The following SFI1 variants were observed in gnomAD, a reference collection of about 807,000 sequenced individuals.
The protein encoded by SFI1 is SFI1 centrin binding protein.
In SFI1, 195 loss-of-function variants were observed where a neutral mutation model predicts 207.5. The ratio of observed to expected loss-of-function variants is 0.94; its 90% confidence interval spans 0.84 to 1.06. The LOEUF is 1.06. SFI1 is among the 50% of genes least tolerant of loss of function. SFI1 has a pLI of 0.00. For missense variants in SFI1, 1,634 were observed against 1,588.0 expected (o/e 1.03, Z -0.49); for synonymous variants, 630 against 598.9 (o/e 1.05, Z -0.76).
At chr22:31,552,711 G>C (rs2060733771) in intron 6 of SFI1, among the ~76,000 whole-genome samples, 1 of 152,076 alleles carries the variant, frequency 6.6e-6, no homozygotes, top group South Asian at 2.1e-4. Context: ...TTGCTGGGTC[G>C]AATGGTGGTT....
At chr22:31,589,758 CT>C (rs1192558520) in intron 15 of SFI1, among the ~76,000 whole-genome samples, 181 bp downstream of exon 15, 1 of 151,988 alleles carries the variant, frequency 6.6e-6, no homozygotes, top group East Asian at 1.9e-4. Context: ...AGTGTTTCCC[CT>C]GGGAAATCTT....
chr22:31,589,673 A>G, intron 15 of SFI1, 96 bp downstream of exon 15: 1 of 1,368,212 alleles, frequency 7.3e-7, no homozygotes. Flanking sequence ...AGCTTCCCAG[A>G]CCCCAGGCCC....
At chr22:31,586,003 G>C (rs961365945) in intron 14 of SFI1, among the ~76,000 whole-genome samples, 2 of 152,068 alleles carry the variant, frequency 1.3e-5, no homozygotes, top group Non-Finnish European at 2.9e-5. Context: ...CTGTTAGCTA[G>C]TTCCCTATAG....
intron 6 of SFI1, 134 bp downstream of exon 6, chr22:31,550,482 A>G: frequency 1.5e-6 from 1 of 680,652 alleles, no homozygotes; most frequent in East Asian, 2.8e-5. Context: ...TCTCTTTCAT[A>G]TTTTTCAGAA....
At chr22:31,576,111 G>A (rs1015528041) in intron 10 of SFI1, among the ~76,000 whole-genome samples, 3 of 150,170 alleles carry the variant, frequency 2.0e-5, no homozygotes, top group South Asian at 4.2e-4. Flanking sequence ...TGCAATCTCC[G>A]CCTCCCAGGT....
At chr22:31,617,577 C>T (rs1168378737) in intron 31 of SFI1, among the ~76,000 whole-genome samples, 1 of 151,980 alleles carries the variant, frequency 6.6e-6, no homozygotes, top group Non-Finnish European at 1.5e-5. Flanking sequence ...AAAAATTAGC[C>T]GGGCATGGTG....
chr22:31,503,154 T>C (rs938129198), intron 1 of SFI1, among the ~76,000 whole-genome samples: 3 of 151,816 alleles, frequency 2.0e-5, no homozygotes, highest in Non-Finnish European at 4.4e-5. Flanking sequence ...TAGGGTAATC[T>C]AGGGACAAGT....
intron 4 of SFI1, among the ~76,000 whole-genome samples, chr22:31,532,803 A>G (rs1483698744): frequency 1.3e-5 from 2 of 152,130 alleles, no homozygotes; most frequent in African/African-American, 4.8e-5. Flanking sequence ...TGCAAAAGAG[A>G]AAAAACTTAC....
At position 31,616,728 on chromosome 22, in the gene SFI1, C is replaced by G. The variant is rs536141578; in HGVS notation, c.3301-17C>G. On this transcript the variant is annotated splice_polypyrimidine_tract_variant and intron_variant, in intron 29 of 32. Coordinates refer to ENST00000400288, the MANE Select transcript of SFI1 (RefSeq NM_001007467.3). Reference sequence around the variant, plus strand: ...CCTAGCTTCCTTGCTCAGCATCTACCCTTCTTTCCTTTGCAGGTGTCAGCA... The same window carrying G: ...CCTAGCTTCCTTGCTCAGCATCTACGCTTCTTTCCTTTGCAGGTGTCAGCA... 1.3e-6 allele frequency: 2 copies of G among 1,522,938 alleles called. No homozygotes were observed. The highest frequency in any genetic ancestry group is 1.8e-6 in the Non-Finnish European group (2 of 1,138,262). 94.3% of individuals were successfully genotyped at this position (1,522,938 alleles called of 1,614,324 possible).
intron 7 of SFI1, among the ~76,000 whole-genome samples, chr22:31,560,954 C>T (rs750890032): frequency 6.6e-6 from 1 of 152,104 alleles, no homozygotes; most frequent in Non-Finnish European, 1.5e-5. Context: ...CCACTCTCCT[C>T]GGCCTCCCAA....
chr22:31,530,271 A>C (rs2058363006), intron 3 of SFI1, among the ~76,000 whole-genome samples: 1 of 146,190 alleles, frequency 6.8e-6, no homozygotes, highest in African/African-American at 2.5e-5. Context: ...CGGGTGGATC[A>C]TGAGGTCAGG....
In SFI1 at chr22:31,508,440, T is replaced by G. The variant is rs189277200; in HGVS notation, c.92+64T>G. 111 of 1,213,126 alleles carry G rather than the reference T, an allele frequency of 9.1e-5. No homozygotes were observed. In the Middle Eastern group the frequency reaches 9.2e-4, roughly 10 times the overall value. 75.1% of individuals were successfully genotyped at this position (1,213,126 alleles called of 1,614,324 possible). On this transcript the variant is annotated intron_variant, in intron 2 of 32. Coordinates refer to ENST00000400288, the MANE Select transcript of SFI1 (RefSeq NM_001007467.3). ...GATGGTTCATATAAAACTAAACATT[T>G]TGTGTATGAAAAAATTATAAATTAT...
intron 10 of SFI1, among the ~76,000 whole-genome samples, chr22:31,577,522 C>CA (rs2063656951): frequency 6.6e-6 from 1 of 152,180 alleles, no homozygotes; most frequent in Non-Finnish European, 1.5e-5. Flanking sequence ...ATCCTCCCCC[C>CA]TCAGCCTACG....
At chr22:31,506,494 C>A (rs1276820926) in intron 1 of SFI1, among the ~76,000 whole-genome samples, 1 of 152,194 alleles carries the variant, frequency 6.6e-6, no homozygotes, top group Non-Finnish European at 1.5e-5. Context: ...GGTGCTGAAG[C>A]ATCTAGACAT....
At chr22:31,580,693 C>T (rs900006270) in intron 12 of SFI1, among the ~76,000 whole-genome samples, 1 of 151,978 alleles carries the variant, frequency 6.6e-6, no homozygotes, top group African/African-American at 2.4e-5. Context: ...CAGGCATGCG[C>T]CACTACACCT....
chr22:31,531,120 C>T lies in SFI1; in HGVS notation c.329C>T (p.Ser110Phe). Reference sequence around the variant, plus strand: ...ATGACTTTTGGAAGAGTATTTCCCTCTAAAGCCAGGTAGTATTAGCTCAGA... The same window carrying T: ...ATGACTTTTGGAAGAGTATTTCCCTTTAAAGCCAGGTAGTATTAGCTCAGA... ...IRMTFGRVFPSKARFYYEQRL... is the reference protein window; with the variant it reads ...IRMTFGRVFPFKARFYYEQRL... Residue 110 changes from serine (S) to phenylalanine (F), a missense_variant, in exon 4 of 33, where the codon TCT (serine) becomes TTT (phenylalanine). Transcript: ENST00000400288. 1 of 1,612,730 alleles carries T rather than the reference C, an allele frequency of 6.2e-7. No homozygotes were observed. Among genetic ancestry groups the T allele is most frequent in the Non-Finnish European group, 8.5e-7 (1 of 1,179,206 alleles).
rs187115796 is a variant in SFI1, at chr22:31,541,941, A to T, written c.339-4920A>T. 7.9e-3 allele frequency among the ~76,000 whole-genome samples: 1,195 copies of T among 151,314 alleles called. 14 individuals are homozygous for T. The highest frequency in any genetic ancestry group is 0.015 in the Non-Finnish European group (994 of 67,856). The stretch of plus-strand genomic sequence containing the variant: ...CATGGTGAAACCCCGTCTCTACTAA[A>T]AATACAAAAATTAGCTGGGCATGGT... On this transcript the variant is annotated intron_variant, in intron 4 of 32. Coordinates refer to ENST00000400288, the MANE Select transcript of SFI1 (RefSeq NM_001007467.3).
intron 2 of SFI1, among the ~76,000 whole-genome samples, chr22:31,525,294 T>C (rs778271404): frequency 6.6e-6 from 1 of 152,202 alleles, no homozygotes; most frequent in Non-Finnish European, 1.5e-5. Flanking sequence ...TTTAGGTCTT[T>C]GATCCATTTT....
intron 6 of SFI1, among the ~76,000 whole-genome samples, chr22:31,553,114 A>C (rs1463522932): frequency 6.6e-6 from 1 of 152,188 alleles, no homozygotes; most frequent in African/African-American, 2.4e-5. Context: ...AAGTGCTAGG[A>C]TTACAAGCAT....
Sources: gnomAD v4.1 joint callset for allele counts (sites outside exome capture counted in the v4.1 genomes callset) on GRCh38, gnomAD v4.1.1 for gene constraint, MANE v1.5 for transcripts, NCBI Gene and HGNC (gene_info 2026-07-23, HGNC 2026-07-21) for gene names.